Variants in TENM3 observed in about 807,000 individuals in gnomAD.
The protein encoded by TENM3 is teneurin transmembrane protein 3.
Under a neutral mutation model 255.1 loss-of-function variants are expected in TENM3, and 63 were observed. That is an observed-to-expected ratio of 0.25 (90% confidence interval 0.20 to 0.30). The LOEUF is 0.30. Ranked by LOEUF, TENM3 falls within the 10% of genes least tolerant of loss-of-function variation. The pLI is 1.00. For missense variants in TENM3, 2,929 were observed against 3,461.1 expected (o/e 0.85, Z 3.86); for synonymous variants, 1,306 against 1,322.3 (o/e 0.99, Z 0.27).
the TENM3 span, among the ~76,000 whole-genome samples, chr4:181,947,200 A>G: frequency 6.6e-6 from 1 of 152,248 alleles, no homozygotes; most frequent in Non-Finnish European, 1.5e-5. Context: ...GTATGTAAAC[A>G]CACTTTTAAA....
chr4:181,713,050 T>A, the TENM3 span, among the ~76,000 whole-genome samples: 9 of 152,324 alleles, frequency 5.9e-5, 1 homozygote, highest in African/African-American at 2.2e-4. Context: ...ACTCATTGTA[T>A]TTTTGAAAGC....
chr4:182,617,185 G>A (rs1428869470), intron 4 of TENM3, among the ~76,000 whole-genome samples: 1 of 151,950 alleles, frequency 6.6e-6, no homozygotes. Context: ...AAATATTTTG[G>A]GCTGATTCTG....
At chr4:182,159,978 T>A (rs994230320) in intron 1 of TENM3, among the ~76,000 whole-genome samples, 2 of 152,214 alleles carry the variant, frequency 1.3e-5, no homozygotes, top group African/African-American at 4.8e-5. Context: ...CAAATCTACC[T>A]ATACAGGGAC....
chr4:182,612,225 T>G (rs1268330244), intron 4 of TENM3, among the ~76,000 whole-genome samples: 1 of 151,062 alleles, frequency 6.6e-6, no homozygotes, highest in Non-Finnish European at 1.5e-5. Context: ...TGAGCCAAGA[T>G]TGCACCACTG....
rs9999438 is a variant in TENM3 at position 182,336,415 on chromosome 4, T to C, written c.233-10236T>C. Among the ~76,000 whole-genome samples the C allele has an allele frequency of 4.4e-3, 667 of 151,730 alleles. 4 individuals carry two copies. Among genetic ancestry groups the C allele is most frequent in the African/African-American group, 0.015 (629 of 41,442 alleles). On this transcript the variant is annotated intron_variant, in intron 2 of 27. Transcript: ENST00000511685. ...TTACACAGAAGCTCTCATTATAGTG[T>C]GTGAAATAAACAATAACACAAAAAA...
the TENM3 span, among the ~76,000 whole-genome samples, chr4:181,961,265 T>C: frequency 6.6e-6 from 1 of 152,244 alleles, no homozygotes; most frequent in African/African-American, 2.4e-5. Flanking sequence ...ACTTCAATGA[T>C]AACATGCAAC....
At chr4:181,730,198 T>C in the TENM3 span, among the ~76,000 whole-genome samples, 2 of 152,292 alleles carry the variant, frequency 1.3e-5, no homozygotes, top group African/African-American at 4.8e-5. Context: ...ATATAGCCCA[T>C]GTGCACTTTG....
chr4:182,197,365 G>A (rs1753893309), intron 1 of TENM3, among the ~76,000 whole-genome samples: 1 of 152,164 alleles, frequency 6.6e-6, no homozygotes, highest in African/African-American at 2.4e-5. Context: ...ATGTGAGATA[G>A]GGAATAGCCA....
chr4:182,264,553 T>C (rs932212610), intron 1 of TENM3, among the ~76,000 whole-genome samples: 5 of 152,206 alleles, frequency 3.3e-5, no homozygotes, highest in African/African-American at 1.2e-4. Context: ...AGACAGAGAC[T>C]GTCCTGTGCT....
At chr4:182,297,326 G>A (rs768424765) in intron 1 of TENM3, among the ~76,000 whole-genome samples, 7 of 152,122 alleles carry the variant, frequency 4.6e-5, no homozygotes, top group Non-Finnish European at 8.8e-5. Context: ...AGTTTCCTAT[G>A]GTCCACCCAA....
intron 24 of TENM3, among the ~76,000 whole-genome samples, chr4:182,787,735 C>CAA (rs33998093): frequency 0.012 from 485 of 41,522 alleles, 25 homozygotes; most frequent in Non-Finnish European, 0.02. Flanking sequence ...AACTCCACCT[C>CAA]AAAAAAAAAA....
chr4:182,737,680 C>T (rs1372806643), intron 17 of TENM3, among the ~76,000 whole-genome samples: 1 of 152,170 alleles, frequency 6.6e-6, no homozygotes, highest in Non-Finnish European at 1.5e-5. Flanking sequence ...AGCTCAAGCT[C>T]AGAACATAAA....
chr4:181,691,356 C>T, the TENM3 span, among the ~76,000 whole-genome samples: 1 of 136,404 alleles, frequency 7.3e-6, no homozygotes, highest in African/African-American at 2.8e-5. Flanking sequence ...TGTGTATATA[C>T]TTATTATACA....
the TENM3 span, among the ~76,000 whole-genome samples, chr4:181,800,694 G>A: frequency 6.6e-6 from 1 of 152,282 alleles, no homozygotes; most frequent in South Asian, 2.1e-4. Context: ...GGTTGTTCAG[G>A]TGCTTGACTC....
At chr4:181,496,992 T>C in the TENM3 span, among the ~76,000 whole-genome samples, 1 of 152,162 alleles carries the variant, frequency 6.6e-6, no homozygotes, top group African/African-American at 2.4e-5. Context: ...AAAAGGCATT[T>C]ATATTATGCC....
At chr4:182,719,921 C>T (rs193267949) in intron 13 of TENM3, among the ~76,000 whole-genome samples, 104 of 152,000 alleles carry the variant, frequency 6.8e-4, no homozygotes, top group African/African-American at 2.4e-3. Flanking sequence ...ATCAGGCAGG[C>T]GTGGTGGCAC....
chr4:181,497,641 G>A, the TENM3 span, among the ~76,000 whole-genome samples: 1 of 152,100 alleles, frequency 6.6e-6, no homozygotes, highest in Admixed American at 6.5e-5. Flanking sequence ...AAGGAATCAG[G>A]AAACTAGAGT....
chr4:181,787,784 C>T, the TENM3 span, among the ~76,000 whole-genome samples: 1 of 152,058 alleles, frequency 6.6e-6, no homozygotes, highest in African/African-American at 2.4e-5. Flanking sequence ...TGGGCCGAAC[C>T]AACGTATACC....
At chr4:181,806,970 G>T in the TENM3 span, among the ~76,000 whole-genome samples, 1 of 152,196 alleles carries the variant, frequency 6.6e-6, no homozygotes, top group Non-Finnish European at 1.5e-5. Context: ...CAGGCACACA[G>T]TGTAGATACT....
Sources: gnomAD v4.1 joint callset for allele counts (sites outside exome capture counted in the v4.1 genomes callset) on GRCh38, gnomAD v4.1.1 for gene constraint, MANE v1.5 for transcripts, NCBI Gene and HGNC (gene_info 2026-07-23, HGNC 2026-07-21) for gene names.